Variants in PLCL2 observed in about 807,000 individuals in gnomAD.
PLCL2 encodes the protein phospholipase C like 2.
In PLCL2, 4 loss-of-function variants were observed where a neutral mutation model predicts 79.6. That is an observed-to-expected ratio of 0.05 (90% CI 0.02 to 0.11). PLCL2 has a LOEUF of 0.11. Among genes scored for constraint, PLCL2 ranks in the 10% least tolerant of loss-of-function variants. The probability of loss-of-function intolerance (pLI) is 1.00; values close to 1 mark genes in which losing one functional copy is unlikely to be tolerated. For missense variants in PLCL2, 895 were observed against 1,291.0 expected, an observed-to-expected ratio of 0.69 and a Z score of 4.70; for synonymous variants, 484 against 457.7, an observed-to-expected ratio of 1.06 and a Z score of -0.73.
chr3:17,027,895 T>C (rs2064535978), intron 3 of PLCL2, among the ~76,000 whole-genome samples: 1 of 152,234 alleles, frequency 6.6e-6, no homozygotes, highest in Non-Finnish European at 1.5e-5. Context: ...TTTGCTCTGA[T>C]TTTAATAGCG....
At position 17,008,442 on chromosome 3, in the gene PLCL2, C is replaced by T. The variant is rs577321186; in HGVS notation, c.328-1232C>T. Among the ~76,000 whole-genome samples, 15 of 151,996 alleles carry T rather than the reference C, an allele frequency of 9.9e-5. No homozygotes were observed. The East Asian group carries it at 2.9e-3, about 29-fold the overall frequency. ...TCCAGAAATAGTCTAGACGTCTTAG[C>T]CCAAGTAGTCAGGAAATGGTTTTTA... On this transcript the variant is annotated intron_variant, in intron 1 of 5. Transcript: ENST00000615277.
At chr3:16,926,857 C>T (rs772936081) in intron 1 of PLCL2, among the ~76,000 whole-genome samples, 1 of 152,012 alleles carries the variant, frequency 6.6e-6, no homozygotes, top group Non-Finnish European at 1.5e-5. Flanking sequence ...TCTCGGTCTC[C>T]TGACCTTGTG....
intron 1 of PLCL2, among the ~76,000 whole-genome samples, chr3:16,910,324 C>G (rs1036218287): frequency 6.6e-6 from 1 of 152,120 alleles, no homozygotes; most frequent in South Asian, 2.1e-4. Context: ...CCACTCTTGT[C>G]AAGGTCACCA....
intron 3 of PLCL2, among the ~76,000 whole-genome samples, chr3:17,042,294 A>G (rs537732097): frequency 6.6e-6 from 1 of 152,348 alleles, no homozygotes; most frequent in African/African-American, 2.4e-5. Flanking sequence ...AAGCACATGC[A>G]ATTTGGAACA....
chr3:16,980,321 C>A (rs1280030289), intron 1 of PLCL2, among the ~76,000 whole-genome samples: 2 of 149,170 alleles, frequency 1.3e-5, no homozygotes, highest in African/African-American at 4.9e-5. Flanking sequence ...CGGGCGGAGA[C>A]GCTCCTCACT....
At chr3:17,043,015 T>A in intron 4 of PLCL2, 66 bp downstream of exon 4, 1 of 1,051,258 alleles carries the variant, frequency 9.5e-7, no homozygotes, top group Non-Finnish European at 1.5e-6. Context: ...GCCCCAAAAC[T>A]ATTTCATTTT....
chr3:16,935,367 G>A lies in PLCL2; in HGVS notation c.327+50001G>A, dbSNP rs1470365818. 2.0e-5 allele frequency among the ~76,000 whole-genome samples: 3 copies of A among 152,034 alleles called. No individual in the cohort carries two copies. The East Asian group carries it at 5.8e-4, about 29-fold the overall frequency. On this transcript the variant is annotated intron_variant, in intron 1 of 5. Transcript: ENST00000615277. ...TTTATGCTTTTGTTTATATTTTGTT[G>A]ATCAGAAAGTTTTTTAATGTAATAA...
chr3:16,920,832 A>T (rs1190420078), intron 1 of PLCL2, among the ~76,000 whole-genome samples: 5 of 152,224 alleles, frequency 3.3e-5, no homozygotes. Flanking sequence ...TTTGAATACT[A>T]ATTTCTCGCA....
At chr3:16,978,100 C>T (rs1034453418) in intron 1 of PLCL2, among the ~76,000 whole-genome samples, 1 of 152,148 alleles carries the variant, frequency 6.6e-6, no homozygotes, top group Admixed American at 6.5e-5. Flanking sequence ...CATAGCAATA[C>T]GTAAGTTAGG....
intron 1 of PLCL2, among the ~76,000 whole-genome samples, chr3:16,983,517 A>C (rs2124989951): frequency 6.6e-6 from 1 of 152,314 alleles, no homozygotes; most frequent in Non-Finnish European, 1.5e-5. Context: ...AAAAATACAA[A>C]AAATTAGTTG....
chr3:17,042,820 A>G (rs113482467), intron 3 of PLCL2, 54 bp from the exon 4 acceptor site: 3 of 1,227,976 alleles, frequency 2.4e-6, no homozygotes, highest in Non-Finnish European at 3.6e-6. Context: ...GCATGAATGC[A>G]GGAGGGGATC....
rs114509760 is a variant in PLCL2, at chr3:16,907,021, C to A, written c.327+21655C>A. ...TCTGAATCCTGTTTCCTTTCTTTAG[C>A]AACTCAGATAAATTATTTTTGCAAG... On this transcript the variant is annotated intron_variant, in intron 1 of 5. Coordinates refer to ENST00000615277, the MANE Select transcript of PLCL2 (RefSeq NM_001144382.2). Among the ~76,000 whole-genome samples the A allele has an allele frequency of 8.9e-3, 1,361 of 152,240 alleles. 10 individuals are homozygous for A. The highest frequency in any genetic ancestry group is 0.011 in the Non-Finnish European group (751 of 68,008).
chr3:16,897,693 C>G (rs948538971), intron 1 of PLCL2, among the ~76,000 whole-genome samples: 1 of 152,192 alleles, frequency 6.6e-6, no homozygotes, highest in African/African-American at 2.4e-5. Context: ...TGCTCCAGTG[C>G]TCCGCCCGAG....
At chr3:16,967,051 G>A (rs569098723) in intron 1 of PLCL2, among the ~76,000 whole-genome samples, 1 of 152,174 alleles carries the variant, frequency 6.6e-6, no homozygotes, top group African/African-American at 2.4e-5. Context: ...AGTTTGCTTA[G>A]GATAATGGCC....
At chr3:17,075,076 A>G (rs533669326) in intron 5 of PLCL2, among the ~76,000 whole-genome samples, 1 of 152,334 alleles carries the variant, frequency 6.6e-6, no homozygotes, top group African/African-American at 2.4e-5. Context: ...CTTTTGGCTC[A>G]TGTTGGCTTT....
chr3:17,054,986 G>A (rs2064878761), intron 4 of PLCL2, among the ~76,000 whole-genome samples: 1 of 152,130 alleles, frequency 6.6e-6, no homozygotes, highest in Non-Finnish European at 1.5e-5. Context: ...ATGGCCCTAT[G>A]CCTTCTAAAT....
intron 1 of PLCL2, among the ~76,000 whole-genome samples, chr3:17,007,778 C>T (rs553550964): frequency 1.3e-5 from 2 of 152,082 alleles, no homozygotes; most frequent in Non-Finnish European, 2.9e-5. Flanking sequence ...ATTAGAATTG[C>T]CTTTGGATAA....
chr3:17,002,779 A>C (rs1199692043), intron 1 of PLCL2, among the ~76,000 whole-genome samples: 1 of 152,140 alleles, frequency 6.6e-6, no homozygotes, highest in Non-Finnish European at 1.5e-5. Context: ...TTCTAAAAAA[A>C]ATATGTATAT....
intron 3 of PLCL2, among the ~76,000 whole-genome samples, chr3:17,038,769 A>T (rs1209498441): frequency 6.6e-6 from 1 of 152,168 alleles, no homozygotes; most frequent in Non-Finnish European, 1.5e-5. Context: ...TGTGTGTAGC[A>T]CCTTTTAGGA....
Sources: allele counts gnomAD v4.1 joint callset (sites outside exome capture counted in the v4.1 genomes callset), GRCh38; gene constraint gnomAD v4.1.1; transcripts MANE v1.5; gene names NCBI Gene and HGNC (gene_info 2026-07-23, HGNC 2026-07-21).